Variants in ZNF737 observed in about 807,000 individuals in gnomAD.
The protein encoded by ZNF737 is zinc finger protein 737, also known as zinc finger protein 102 (Y3).
In ZNF737, 13 loss-of-function variants were observed where a neutral mutation model predicts 11.7. That is an observed-to-expected ratio of 1.11 (90% CI 0.73 to 1.77). ZNF737 has a LOEUF of 1.77. ZNF737 is among the 40% of genes most tolerant of loss of function. ZNF737 has a pLI of 0.00. For synonymous variants in ZNF737, 217 were observed against 216.2 expected (o/e 1.00, Z -0.03); for missense variants, 636 against 638.0 (o/e 1.00, Z 0.03).
chr19:20,531,573 T>C (rs782651025), downstream of ZNF737, among the ~76,000 whole-genome samples: 5 of 149,398 alleles, frequency 3.3e-5, no homozygotes, highest in Non-Finnish European at 5.9e-5. Context: ...ATCCTGCCTC[T>C]GCCTCCCTAG....
Position 20,539,022 on chromosome 19 carries a change from A to G in ZNF737, c.*5570T>C. ...CCTACCAAAATTATTCTGGCTGGGA[A>G]AAGTGGCTCATGCCTGTAATCCCAG... On this transcript the variant is annotated 3_prime_UTR_variant, in exon 4 of 4. Transcript: ENST00000427401. 1.0e-6 allele frequency: 1 copy of G among 985,004 alleles called. No individual in the cohort carries two copies. Among genetic ancestry groups the G allele is most frequent in the Non-Finnish European group, 1.2e-6 (1 of 829,538 alleles). The allele number at this position is 985,004 out of a possible 1,614,324, so 61.0% of individuals were successfully genotyped here.
chr19:20,546,674 GTTTGAGAC>G (rs1968466758), intron 3 of ZNF737, among the ~76,000 whole-genome samples: 1 of 152,170 alleles, frequency 6.6e-6, no homozygotes, highest in African/African-American at 2.4e-5. Context: ...GGGGCCAAAA[GTTTGAGAC>G]CAGCCTGGGC....
In ZNF737 at chr19:20,542,474, T is replaced by TG. The variant is rs1968252067; in HGVS notation, c.*2117dup. 1.3e-6 allele frequency: 1 copy of TG among 785,140 alleles called. No homozygotes were observed. The highest frequency in any genetic ancestry group is 1.5e-6 in the Non-Finnish European group (1 of 647,536). 48.6% of individuals were successfully genotyped at this position (785,140 alleles called of 1,614,324 possible). ...CTCGAACTCCTGACCTCAGGTGATCTGCCCACCTTGGCCTCCCAAAGTGCT... is the reference window on the plus strand; with the variant it reads ...CTCGAACTCCTGACCTCAGGTGATCTGGCCCACCTTGGCCTCCCAAAGTGCT... On this transcript the variant is annotated 3_prime_UTR_variant, in exon 4 of 4. Coordinates refer to ENST00000427401, the MANE Select transcript of ZNF737 (RefSeq NM_001159293.2).
chr19:20,530,717 G>A, the ZNF737 span, among the ~76,000 whole-genome samples: 12 of 148,342 alleles, frequency 8.1e-5, 2 homozygotes, highest in African/African-American at 2.5e-4. Context: ...GATGGCGGCC[G>A]GGCAGAGACC....
At chr19:20,555,322 G>A (rs1321082377) in intron 1 of ZNF737, among the ~76,000 whole-genome samples, 2 of 152,024 alleles carry the variant, frequency 1.3e-5, no homozygotes, top group African/African-American at 2.4e-5. Flanking sequence ...AGCTGGGATT[G>A]CAGGCACCCA....
At chr19:20,533,463 A>C (rs1967878912), downstream of ZNF737, among the ~76,000 whole-genome samples, 1 of 149,936 alleles carries the variant, frequency 6.7e-6, no homozygotes, top group Non-Finnish European at 1.5e-5. Context: ...TAGATACATA[A>C]ACACAAACAT....
chr19:20,539,190 T>C lies in ZNF737; in HGVS notation c.*5402A>G. ...CTGTTATCCCAGCTACTCAGGAGGC[T>C]GAGGCGGAAGAATCACTTGAACCAG... On this transcript the variant is annotated 3_prime_UTR_variant, in exon 4 of 4. Coordinates refer to ENST00000427401, the MANE Select transcript of ZNF737 (RefSeq NM_001159293.2). The C allele has an allele frequency of 1.5e-6, 1 of 664,934 alleles. No individual in the cohort carries two copies. Among genetic ancestry groups the C allele is most frequent in the Non-Finnish European group, 1.9e-6 (1 of 537,864 alleles). 41.2% of individuals were successfully genotyped at this position (664,934 alleles called of 1,614,324 possible).
chr19:20,546,377 G>A (rs1555757100), intron 3 of ZNF737, among the ~76,000 whole-genome samples: 1 of 152,140 alleles, frequency 6.6e-6, no homozygotes, highest in Non-Finnish European at 1.5e-5. Context: ...GGTGGATCAT[G>A]AGAAATTCGC....
intron 3 of ZNF737, among the ~76,000 whole-genome samples, chr19:20,547,047 T>A (rs1288664242): frequency 6.6e-6 from 1 of 152,004 alleles, no homozygotes. Flanking sequence ...GGGCAAAAAA[T>A]TTTATTTTTC....
At chr19:20,552,818 C>A (rs1251914520) in intron 2 of ZNF737, among the ~76,000 whole-genome samples, 2 of 151,930 alleles carry the variant, frequency 1.3e-5, no homozygotes, top group East Asian at 1.9e-4. Context: ...TAGAGACCAG[C>A]CTGGCCAGCA....
At position 20,538,154 on chromosome 19, in the gene ZNF737, G is replaced by T; in HGVS notation, c.*6438C>A. The T allele has an allele frequency of 2.7e-6, 1 of 366,494 alleles. No homozygotes were observed. Among genetic ancestry groups the T allele is most frequent in the Non-Finnish European group, 3.8e-6 (1 of 264,362 alleles). 22.7% of individuals were successfully genotyped at this position (366,494 alleles called of 1,614,324 possible). A position where few individuals can be genotyped will look rare whatever the true frequency, so the allele number is the denominator to read the frequency against. On this transcript the variant is annotated 3_prime_UTR_variant, in exon 4 of 4. Coordinates refer to ENST00000427401, the MANE Select transcript of ZNF737 (RefSeq NM_001159293.2). Reference sequence around the variant, plus strand: ...TTATGAATAGTAACTTCTCTTAGAAGCAAAGTTTATTCAAAGACCTGTGCT... The same window carrying T: ...TTATGAATAGTAACTTCTCTTAGAATCAAAGTTTATTCAAAGACCTGTGCT...
In ZNF737 at chr19:20,542,376, G is replaced by A. The variant is rs112602977; in HGVS notation, c.*2216C>T. On this transcript the variant is annotated 3_prime_UTR_variant, in exon 4 of 4. Coordinates refer to ENST00000427401, the MANE Select transcript of ZNF737 (RefSeq NM_001159293.2). ...CCTGAGTAGCTGAGATTACAGGCAT[G>A]CACCACCATGCCTGGCTAATTTTTT... The A allele has an allele frequency of 0.12, 37,387 of 311,074 alleles. 2,470 individuals carry two copies. Among genetic ancestry groups the A allele is most frequent in the Non-Finnish European group, 0.13 (28,252 of 213,826 alleles). The allele number at this position is 311,074 out of a possible 1,614,324, so 19.3% of individuals were successfully genotyped here. A position where few individuals can be genotyped will look rare whatever the true frequency, so the allele number is the denominator to read the frequency against.
In ZNF737 at chr19:20,545,652, T is replaced by C. The variant is rs1555756805; in HGVS notation, c.551A>G (p.Gln184Arg). The C allele has an allele frequency of 6.2e-7, 1 of 1,613,860 alleles. No homozygotes were observed. The highest frequency in any genetic ancestry group is 1.7e-5 in the Admixed American group (1 of 59,958). The change falls in exon 4 of 4, where the codon CAG becomes CGG. Residue 184 changes from glutamine (Q) to arginine (R), a missense_variant. Gln to Arg is a conservative substitution (Grantham distance 43). Coordinates refer to ENST00000427401, the MANE Select transcript of ZNF737 (RefSeq NM_001159293.2). ...KCIECGKAFN[Q>R]SSTLTTHKKI... The stretch of plus-strand genomic sequence containing the variant: ...CTTATGTGTAGTAAGGGTTGAAGAC[T>C]GGTTAAAAGCTTTGCCACATTCTAT...
intron 3 of ZNF737, among the ~76,000 whole-genome samples, chr19:20,548,990 A>C (rs571105733): frequency 0.058 from 7,410 of 128,276 alleles, 335 homozygotes; most frequent in African/African-American, 0.096. Flanking sequence ...ACAATTATGT[A>C]TCTTTTTGAA....
In ZNF737 at chr19:20,538,829, T is replaced by A. The variant is rs782583797; in HGVS notation, c.*5763A>T. On this transcript the variant is annotated 3_prime_UTR_variant, in exon 4 of 4. Transcript: ENST00000427401. The stretch of plus-strand genomic sequence containing the variant: ...TACCAACTTTAGTCATACTATTTTT[T>A]AGCAACTAATGGCATCTGTTACCCA... The A allele has an allele frequency of 7.1e-6, 7 of 985,390 alleles. No homozygotes were observed. The highest frequency in any genetic ancestry group is 8.4e-6 in the Non-Finnish European group (7 of 829,866). The allele number at this position is 985,390 out of a possible 1,614,324, so 61.0% of individuals were successfully genotyped here.
In ZNF737 at chr19:20,538,064, A is replaced by G. The variant is rs1968050204; in HGVS notation, c.*6528T>C. 2.0e-6 allele frequency: 2 copies of G among 983,042 alleles called. No individual in the cohort carries two copies. The highest frequency in any genetic ancestry group is 2.4e-6 in the Non-Finnish European group (2 of 827,876). 60.9% of individuals were successfully genotyped at this position (983,042 alleles called of 1,614,324 possible). ...TGTTTTCAGTAATCACTCTGAACAC[A>G]GCATTCTCAGTTCACAGTGTAAAAA... On this transcript the variant is annotated 3_prime_UTR_variant, in exon 4 of 4. Coordinates refer to ENST00000427401, the MANE Select transcript of ZNF737 (RefSeq NM_001159293.2).
At position 20,542,924 on chromosome 19, in the gene ZNF737, G is replaced by C; in HGVS notation, c.*1668C>G. On this transcript the variant is annotated 3_prime_UTR_variant, in exon 4 of 4. Coordinates refer to ENST00000427401, the MANE Select transcript of ZNF737 (RefSeq NM_001159293.2). ...CAAAAAATTTTATTCAAGGAAACAA[G>C]TATACTTTCAACGTAATTACAATGC... 1.0e-6 allele frequency: 1 copy of C among 985,016 alleles called. No homozygotes were observed. Among genetic ancestry groups the C allele is most frequent in the Non-Finnish European group, 1.2e-6 (1 of 829,638 alleles). 61.0% of individuals were successfully genotyped at this position (985,016 alleles called of 1,614,324 possible). A position where few individuals can be genotyped will look rare whatever the true frequency, so the allele number is the denominator to read the frequency against.
intron 1 of ZNF737, among the ~76,000 whole-genome samples, chr19:20,563,064 T>G (rs565664857): frequency 2.6e-4 from 40 of 151,246 alleles, no homozygotes; most frequent in Admixed American, 4.0e-4. Context: ...TGTTGCAATT[T>G]TTTTTGGAAT....
chr19:20,539,353 C>G lies in ZNF737; in HGVS notation c.*5239G>C, dbSNP rs1555754609. Reference sequence around the variant, plus strand: ...AACCCTGGGAAGCCCCTATAAAATACTCCCTTTGAATACTTTAGCCAGGAT... The same window carrying G: ...AACCCTGGGAAGCCCCTATAAAATAGTCCCTTTGAATACTTTAGCCAGGAT... On this transcript the variant is annotated 3_prime_UTR_variant, in exon 4 of 4. Transcript: ENST00000427401. 1 of 984,742 alleles carries G rather than the reference C, an allele frequency of 1.0e-6. No homozygotes were observed. The highest frequency in any genetic ancestry group is 1.8e-5 in the African/African-American group (1 of 57,142). The allele number at this position is 984,742 out of a possible 1,614,324, so 61.0% of individuals were successfully genotyped here.
Sources: gnomAD v4.1 joint callset for allele counts (sites outside exome capture counted in the v4.1 genomes callset) on GRCh38, gnomAD v4.1.1 for gene constraint, MANE v1.5 for transcripts, NCBI Gene and HGNC (gene_info 2026-07-23, HGNC 2026-07-21) for gene names.